Variants in RGS18 observed in about 807,000 individuals in gnomAD.
RGS18 encodes regulator of G protein signaling 18, also known as regulator of G-protein signaling 18.
In RGS18, 22 loss-of-function variants were observed where a neutral mutation model predicts 27.6. The observed-to-expected ratio is 0.80, with a 90% CI of 0.57 to 1.14. The LOEUF (loss-of-function observed/expected upper bound fraction) is 1.14. Ranked by LOEUF, RGS18 falls within the 50% of genes most tolerant of loss-of-function variation. RGS18 has a pLI of 0.00. For synonymous variants in RGS18, 89 were observed against 84.6 expected (o/e 1.05, Z -0.29); for missense variants, 299 against 269.6 (o/e 1.11, Z -0.76).
At chr1:192,161,728 A>C (rs908497857) in intron 3 of RGS18, among the ~76,000 whole-genome samples, 2 of 152,106 alleles carry the variant, frequency 1.3e-5, no homozygotes, top group African/African-American at 4.8e-5. Context: ...CGTGTCTTTC[A>C]CAATTTTAAG....
intron 3 of RGS18, among the ~76,000 whole-genome samples, chr1:192,172,130 T>C (rs1405846217): frequency 6.6e-6 from 1 of 152,016 alleles, no homozygotes; most frequent in East Asian, 1.9e-4. Context: ...GGTTTGGATG[T>C]AGTTTGTTTC....
rs373828973 is a variant in RGS18 at position 192,171,174 on chromosome 1, T to C, written c.284-10118T>C. Among the ~76,000 whole-genome samples the C allele has an allele frequency of 4.6e-5, 7 of 152,214 alleles. No homozygotes were observed. The South Asian group carries it at 6.2e-4, about 14-fold the overall frequency. On this transcript the variant is annotated intron_variant, in intron 3 of 4. Transcript: ENST00000367460. ...ATCAAAATGCCTCAAAGAACCATTGTTCATTTATATTTCCCTTTTACAGTC... is the reference window on the plus strand; with the variant it reads ...ATCAAAATGCCTCAAAGAACCATTGCTCATTTATATTTCCCTTTTACAGTC...
At chr1:192,161,738 G>C (rs994773718) in intron 3 of RGS18, among the ~76,000 whole-genome samples, 2 of 152,118 alleles carry the variant, frequency 1.3e-5, no homozygotes, top group African/African-American at 4.8e-5. Context: ...ACAATTTTAA[G>C]GTGTCTACTG....
intron 3 of RGS18, chr1:192,168,830 T>G (rs1388165439): frequency 6.6e-6 from 1 of 152,158 alleles, no homozygotes; most frequent in Non-Finnish European, 1.5e-5. Context: ...GTTCAAGCAC[T>G]TACACTATCT....
intron 3 of RGS18, among the ~76,000 whole-genome samples, chr1:192,162,562 C>T (rs189401047): frequency 1.3e-5 from 2 of 152,192 alleles, no homozygotes; most frequent in East Asian, 1.9e-4. Flanking sequence ...GGATTACAGG[C>T]GTGAGTCATC....
chr1:192,164,094 G>T (rs1378155830), intron 3 of RGS18, among the ~76,000 whole-genome samples: 6 of 151,722 alleles, frequency 4.0e-5, no homozygotes, highest in Non-Finnish European at 7.4e-5. Context: ...TGGAAATTTG[G>T]GTATTCAATT....
At chr1:192,181,215 T>C in intron 3 of RGS18, 77 bp from the exon 4 acceptor site, 2 of 797,534 alleles carry the variant, frequency 2.5e-6, no homozygotes, top group South Asian at 4.5e-5. Context: ...ATATTTGCAA[T>C]TATGTTTTAT....
chr1:192,184,744 TTC>T lies in RGS18; in HGVS notation c.*192_*193del. ...ATCTGCCAGTATATTCTGTAAAACC[TTC>T]TATTTGATGTCATTCCATTTATAAT... On this transcript the variant is annotated 3_prime_UTR_variant, in exon 5 of 5. Transcript: ENST00000367460. 1.9e-6 allele frequency: 1 copy of T among 527,222 alleles called. No individual in the cohort carries two copies. The highest frequency in any genetic ancestry group is 3.3e-6 in the Non-Finnish European group (1 of 300,340). The allele number at this position is 527,222 out of a possible 1,614,324, so 32.7% of individuals were successfully genotyped here.
In RGS18 at chr1:192,158,496, A is replaced by C. The variant is rs569477228; in HGVS notation, c.-142A>C. On this transcript the variant is annotated 5_prime_UTR_variant, in exon 1 of 5. Transcript: ENST00000367460. Reference sequence around the variant, plus strand: ...TTTCTGCAGAGACAGAAAGAAACGCAGCTCTTGACTTCTTTTTTGTAAACA... The same window carrying C: ...TTTCTGCAGAGACAGAAAGAAACGCCGCTCTTGACTTCTTTTTTGTAAACA... 1 of 671,712 alleles carries C rather than the reference A, an allele frequency of 1.5e-6. No homozygotes were observed. The highest frequency in any genetic ancestry group is 3.8e-5 in the South Asian group (1 of 26,178). The allele number at this position is 671,712 out of a possible 1,614,324, so 41.6% of individuals were successfully genotyped here. A position where few individuals can be genotyped will look rare whatever the true frequency, so the allele number is the denominator to read the frequency against.
chr1:192,159,962 T>A (rs1321671151), intron 2 of RGS18, among the ~76,000 whole-genome samples: 1 of 152,092 alleles, frequency 6.6e-6, no homozygotes, highest in Non-Finnish European at 1.5e-5. Context: ...TGCAGCCTAG[T>A]GTGGTTACAG....
chr1:192,172,882 T>TATATATATATATATATATATATAA (rs1407068832), intron 3 of RGS18, among the ~76,000 whole-genome samples: 11 of 104,858 alleles, frequency 1.0e-4, no homozygotes, highest in African/African-American at 2.8e-4. Flanking sequence ...TATATATATA[T>TATATATATATATATATATATATAA]AAATATATAT....
At position 192,173,012 on chromosome 1, in the gene RGS18, T is replaced by C. The variant is rs142725702; in HGVS notation, c.284-8280T>C. On this transcript the variant is annotated intron_variant, in intron 3 of 4. Transcript: ENST00000367460. ...CTGTTATAAAAATTAAATGAGGTAATGTATATAAGTAACACTTAACCTTCA... is the reference window on the plus strand; with the variant it reads ...CTGTTATAAAAATTAAATGAGGTAACGTATATAAGTAACACTTAACCTTCA... Among the ~76,000 whole-genome samples, 331 of 151,144 alleles carry C rather than the reference T, an allele frequency of 2.2e-3. 4 individuals carry two copies. Among genetic ancestry groups the C allele is most frequent in the African/African-American group, 7.4e-3 (305 of 41,374 alleles).
At chr1:192,165,175 C>G (rs148746361) in intron 3 of RGS18, among the ~76,000 whole-genome samples, 13 of 152,074 alleles carry the variant, frequency 8.5e-5, no homozygotes, top group African/African-American at 2.9e-4. Flanking sequence ...CTGCTTTATG[C>G]CGTTGTAGGT....
Position 192,181,328 on chromosome 1 carries a change from A to G in RGS18, c.320A>G (p.Glu107Gly). The stretch of plus-strand genomic sequence containing the variant: ...GCTTTTACCAGATTTCTTAAAACTG[A>G]ATTCAGTGAAGAAAATATTGAATTT... The part of the protein sequence containing the change: ...LEAFTRFLKT[E>G]FSEENIEFWI... Residue 107 changes from glutamate to glycine, a missense_variant, in exon 4 of 5, where the codon GAA becomes GGA. Coordinates refer to ENST00000367460, the MANE Select transcript of RGS18 (RefSeq NM_130782.3). 6.4e-7 allele frequency: 1 copy of G among 1,567,198 alleles called. No individual in the cohort carries two copies. Among genetic ancestry groups the G allele is most frequent in the Non-Finnish European group, 8.7e-7 (1 of 1,153,944 alleles).
chr1:192,176,346 T>C (rs1410622447), intron 3 of RGS18, among the ~76,000 whole-genome samples: 1 of 151,800 alleles, frequency 6.6e-6, no homozygotes, highest in African/African-American at 2.4e-5. Flanking sequence ...GCCTCCTCAA[T>C]TCAGCAAGAC....
At position 192,170,466 on chromosome 1, in the gene RGS18, G is replaced by A. The variant is rs182644709; in HGVS notation, c.283+10027G>A. Among the ~76,000 whole-genome samples the A allele has an allele frequency of 2.1e-3, 323 of 152,058 alleles. 1 individual carries two copies. The highest frequency in any genetic ancestry group is 0.01 in the South Asian group (50 of 4,816). On this transcript the variant is annotated intron_variant, in intron 3 of 4. Transcript: ENST00000367460. ...ACTGGCTTCCCCTTTGCCTTCCTCC[G>A]TGAGTAAAACTTCCTGAGGCCTCAT...
intron 3 of RGS18, among the ~76,000 whole-genome samples, chr1:192,180,883 C>T (rs995207164): frequency 6.6e-6 from 1 of 151,576 alleles, no homozygotes; most frequent in Non-Finnish European, 1.5e-5. Flanking sequence ...AGTAAGGGAA[C>T]CTCAAGATCC....
chr1:192,181,299 A>T lies in RGS18; in HGVS notation c.291A>T (p.Leu97=). The change falls in exon 4 of 5, where the codon CTA becomes CTT. Residue 97 remains leucine (L), a synonymous_variant. Coordinates refer to ENST00000367460, the MANE Select transcript of RGS18 (RefSeq NM_130782.3). ...FDKLLSHRDG[L]EAFTRFLKTE... ...TATTTATTTTCTTGATAGATGGACTAGAGGCTTTTACCAGATTTCTTAAAA... is the reference window on the plus strand; with the variant it reads ...TATTTATTTTCTTGATAGATGGACTTGAGGCTTTTACCAGATTTCTTAAAA... 1 of 1,487,308 alleles carries T rather than the reference A, an allele frequency of 6.7e-7. No individual in the cohort carries two copies. The highest frequency in any genetic ancestry group is 9.1e-7 in the Non-Finnish European group (1 of 1,093,700). 92.1% of individuals were successfully genotyped at this position (1,487,308 alleles called of 1,614,324 possible). A position where few individuals can be genotyped will look rare whatever the true frequency, so the allele number is the denominator to read the frequency against.
intron 4 of RGS18, among the ~76,000 whole-genome samples, chr1:192,184,067 C>A (rs1656500949): frequency 6.6e-6 from 1 of 151,566 alleles, no homozygotes; most frequent in Admixed American, 6.6e-5. Context: ...TGGTGCTAAA[C>A]CATTCATGGG....
Sources: gnomAD v4.1 joint callset for allele counts (sites outside exome capture counted in the v4.1 genomes callset) on GRCh38, gnomAD v4.1.1 for gene constraint, MANE v1.5 for transcripts, NCBI Gene and HGNC (gene_info 2026-07-23, HGNC 2026-07-21) for gene names.